The following SHTN1 variants were observed in gnomAD, a reference collection of about 807,000 sequenced individuals.
SHTN1 encodes the protein shootin 1, also known as shootin-1.
In SHTN1, 42 loss-of-function variants were observed where a neutral mutation model predicts 83.1. The observed-to-expected ratio is 0.51, with a 90% confidence interval of 0.39 to 0.65. The LOEUF is 0.65. Among genes scored for constraint, SHTN1 ranks in the 30% least tolerant of loss-of-function variants. SHTN1 has a pLI of 0.00. For missense variants in SHTN1, 622 were observed against 737.8 expected (o/e 0.84, Z 1.82); for synonymous variants, 224 against 247.7 (o/e 0.90, Z 0.90).
chr10:117,045,521 T>C (rs1223477585), intron 2 of SHTN1, among the ~76,000 whole-genome samples: 2 of 151,962 alleles, frequency 1.3e-5, no homozygotes, highest in African/African-American at 4.8e-5. Context: ...AGACCTTATT[T>C]AAGAAGAAGT....
chr10:117,094,303 C>T (rs1223840877), intron 1 of SHTN1, among the ~76,000 whole-genome samples: 4 of 152,216 alleles, frequency 2.6e-5, no homozygotes, highest in Non-Finnish European at 5.9e-5. Context: ...CAATATACTT[C>T]AGCTTGGATT....
At chr10:117,112,964 C>T (rs1853788993) in intron 1 of SHTN1, among the ~76,000 whole-genome samples, 1 of 152,032 alleles carries the variant, frequency 6.6e-6, no homozygotes, top group South Asian at 2.1e-4. Context: ...CCCTGGAATG[C>T]TTTGTTTTCA....
At chr10:116,930,362 A>G (rs1322711258) in intron 9 of SHTN1, among the ~76,000 whole-genome samples, 1 of 152,154 alleles carries the variant, frequency 6.6e-6, no homozygotes, top group Non-Finnish European at 1.5e-5. Flanking sequence ...CCTGATAGAT[A>G]CTTTTTCGAT....
At chr10:117,004,962 T>G in intron 1 of SHTN1, 60 bp downstream of exon 1, 2 of 1,505,958 alleles carry the variant, frequency 1.3e-6, no homozygotes, top group Non-Finnish European at 9.0e-7. Flanking sequence ...CCCAGCGCCC[T>G]GGGGCCGTCC....
intron 1 of SHTN1, among the ~76,000 whole-genome samples, chr10:117,048,779 T>G (rs958395077): frequency 4.6e-5 from 7 of 152,286 alleles, no homozygotes; most frequent in African/African-American, 1.7e-4. Context: ...GCATGCCAGG[T>G]AATACCCAGC....
chr10:116,986,851 C>T lies in SHTN1; in HGVS notation c.59-7543G>A, dbSNP rs370740426. Among the ~76,000 whole-genome samples the T allele has an allele frequency of 1.2e-3, 186 of 151,208 alleles. 1 individual carries two copies. Among genetic ancestry groups the T allele is most frequent in the African/African-American group, 4.2e-3 (174 of 41,112 alleles). ...TCAAGCGATTCTCCTGCCTCAGCCT[C>T]CTGAGTAACTGGGATTACAGGCGCC... On this transcript the variant is annotated intron_variant, in intron 1 of 16. Coordinates refer to ENST00000355371, the MANE Select transcript of SHTN1 (RefSeq NM_001127211.3).
chr10:117,068,380 A>G (rs1345658863), intron 1 of SHTN1, among the ~76,000 whole-genome samples: 2 of 152,108 alleles, frequency 1.3e-5, no homozygotes, highest in Admixed American at 6.6e-5. Flanking sequence ...GCATTTAGGA[A>G]CCAGAAGGTT....
At chr10:116,987,121 T>C (rs558729149) in intron 1 of SHTN1, among the ~76,000 whole-genome samples, 25 of 152,244 alleles carry the variant, frequency 1.6e-4, no homozygotes, top group African/African-American at 5.8e-4. Context: ...GAAACTATCT[T>C]ACCAGAGCCT....
chr10:117,059,180 C>T (rs1248469157), intron 1 of SHTN1, among the ~76,000 whole-genome samples: 3 of 152,046 alleles, frequency 2.0e-5, no homozygotes, highest in Non-Finnish European at 4.4e-5. Context: ...ATACTACCCC[C>T]CACTGCAATA....
chr10:117,063,300 G>T (rs957599301), intron 1 of SHTN1, among the ~76,000 whole-genome samples: 1 of 152,140 alleles, frequency 6.6e-6, no homozygotes, highest in South Asian at 2.1e-4. Flanking sequence ...TTCAGATAGC[G>T]ACTTTAGAAG....
chr10:116,984,555 A>G (rs543011150), intron 1 of SHTN1, among the ~76,000 whole-genome samples: 3 of 152,170 alleles, frequency 2.0e-5, no homozygotes, highest in African/African-American at 7.2e-5. Flanking sequence ...CCTAGTCCTC[A>G]AGCTACTACC....
At position 116,967,672 on chromosome 10, in the gene SHTN1, T is replaced by C. The variant is rs555572620; in HGVS notation, c.172+980A>G. Reference sequence around the variant, plus strand: ...TTTTAAGTATACAACACAGTATTATTAGCTATAGGCACAATGCTCTATAGT... The same window carrying C: ...TTTTAAGTATACAACACAGTATTATCAGCTATAGGCACAATGCTCTATAGT... On this transcript the variant is annotated intron_variant, in intron 3 of 16. Transcript: ENST00000355371. Among the ~76,000 whole-genome samples the C allele has an allele frequency of 2.4e-3, 365 of 152,302 alleles. 1 individual carries two copies. The highest frequency in any genetic ancestry group is 8.5e-3 in the African/African-American group (355 of 41,554).
At chr10:116,982,149 G>A (rs1851045452) in intron 1 of SHTN1, among the ~76,000 whole-genome samples, 1 of 152,154 alleles carries the variant, frequency 6.6e-6, no homozygotes, top group Admixed American at 6.5e-5. Flanking sequence ...TGGTTTTGAA[G>A]TCTTTTTAAA....
rs182441094 is a variant in SHTN1 at position 117,019,657 on chromosome 10, C to T, written c.-123+28788G>A. Among the ~76,000 whole-genome samples the T allele has an allele frequency of 2.4e-3, 360 of 151,990 alleles. 1 individual carries two copies. Among genetic ancestry groups the T allele is most frequent in the African/African-American group, 8.0e-3 (331 of 41,494 alleles). On this transcript the variant is annotated intron_variant, in intron 2 of 17. Coordinates refer to the SHTN1 transcript ENST00000392901. ...AGAGGTTCAAGACCAGCCTGGGCAA[C>T]ACAGTGAGACCCTGTCTCTACGAAA...
intron 1 of SHTN1, among the ~76,000 whole-genome samples, chr10:117,069,840 C>T (rs902614730): frequency 1.4e-4 from 21 of 152,048 alleles, no homozygotes; most frequent in Admixed American, 1.3e-3. Flanking sequence ...AATGAATCAG[C>T]AACCAATTTT....
chr10:117,027,502 C>CT (rs57037007), intron 2 of SHTN1, among the ~76,000 whole-genome samples: 141,274 of 150,032 alleles, frequency 0.94, 67,110 homozygotes, highest in Non-Finnish European at 1. Flanking sequence ...TCAGGCATTT[C>CT]TTTTTTTTTC....
At chr10:116,971,777 CTTCAT>C (rs1850628997) in intron 2 of SHTN1, among the ~76,000 whole-genome samples, 1 of 152,212 alleles carries the variant, frequency 6.6e-6, no homozygotes, top group Non-Finnish European at 1.5e-5. Flanking sequence ...AAAAAACTGT[CTTCAT>C]TTAAGAGCTG....
At chr10:117,115,252 T>C (rs1853829656) in intron 1 of SHTN1, among the ~76,000 whole-genome samples, 1 of 152,176 alleles carries the variant, frequency 6.6e-6, no homozygotes, top group African/African-American at 2.4e-5. Flanking sequence ...TCTCTCTCTC[T>C]CCTATGGGCA....
rs543677980 is a variant in SHTN1, at chr10:117,079,250, T to C, written c.-188-30740A>G. Among the ~76,000 whole-genome samples, 196 of 136,330 alleles carry C rather than the reference T, an allele frequency of 1.4e-3. 2 individuals are homozygous for C. In the South Asian group the frequency reaches 0.016, roughly 11 times the overall value. The allele number at this position is 136,330 out of a possible 152,430, so 89.4% of individuals were successfully genotyped here. ...CCCTTCCTGTGTCCATGTGATCTCA[T>C]TGTTCAATTCCCACCTATGAGTGAG... On this transcript the variant is annotated intron_variant, in intron 1 of 17. Transcript: ENST00000392901.
Sources: gnomAD v4.1 joint callset for allele counts (sites outside exome capture counted in the v4.1 genomes callset) on GRCh38, gnomAD v4.1.1 for gene constraint, MANE v1.5 for transcripts, NCBI Gene and HGNC (gene_info 2026-07-23, HGNC 2026-07-21) for gene names.